ESPNL: variants seen among roughly 807,000 people sequenced by gnomAD.
The protein encoded by ESPNL is espin-like protein.
ESPNL carries 49 observed loss-of-function variants against 46.8 expected under a neutral mutation model. That is an observed-to-expected ratio of 1.05 (90% CI 0.83 to 1.33). The LOEUF is 1.33. Among genes scored for constraint, ESPNL ranks in the 40% most tolerant of loss-of-function variants. ESPNL has a pLI of 0.00. For synonymous variants in ESPNL, 664 were observed against 662.1 expected, an observed-to-expected ratio of 1.00 and a Z score of -0.04; for missense variants, 1,540 against 1,436.6, an observed-to-expected ratio of 1.07 and a Z score of -1.16.
At chr2:238,124,699 ATG>A (rs140782945) in intron 5 of ESPNL, among the ~76,000 whole-genome samples, 57 of 64,196 alleles carry the variant, frequency 8.9e-4, no homozygotes, top group East Asian at 1.6e-3. Flanking sequence ...GAGTACGTGC[ATG>A]TGTGTGCAGG....
At chr2:238,102,181 C>A in intron 2 of ESPNL, 50 bp downstream of exon 2, 2 of 1,449,414 alleles carry the variant, frequency 1.4e-6, no homozygotes, top group African/African-American at 1.4e-5. Flanking sequence ...GCGAGCTGGC[C>A]AAGGGGAGGC....
At position 238,114,344 on chromosome 2, in the gene ESPNL, C is replaced by T. The variant is rs917542689; in HGVS notation, c.856-2559C>T. Among the ~76,000 whole-genome samples the T allele has an allele frequency of 1.5e-4, 23 of 152,172 alleles. No individual in the cohort carries two copies. The highest frequency in any genetic ancestry group is 5.6e-4 in the African/African-American group (23 of 41,434). Reference sequence around the variant, plus strand: ...TGCCGTGACACCCCTCATACTCCTGCAGACCCCGTAACTCCCCTCCTCCGC... The same window carrying T: ...TGCCGTGACACCCCTCATACTCCTGTAGACCCCGTAACTCCCCTCCTCCGC... On this transcript the variant is annotated intron_variant, in intron 4 of 8. Transcript: ENST00000343063. The surrounding 1 kb of genome is among the most constrained non-coding windows in gnomAD (Gnocchi z 5.0).
rs148516936 is a variant in ESPNL at position 238,107,865 on chromosome 2, C to T, written c.747C>T (p.Gly249=). The T allele has an allele frequency of 3.4e-5, 55 of 1,611,128 alleles. No individual in the cohort carries two copies. The highest frequency in any genetic ancestry group is 4.1e-5 in the Non-Finnish European group (48 of 1,179,120). ...CGGCCCTGCACTTTGCAGCCCGAGG[C>T]GGCCACACGCCCATTCTAGACCGAC... ...GATALHFAAR[G]GHTPILDRLL... is the part of the protein sequence containing the mutation. The change falls in exon 4 of 9, where the codon GGC becomes GGT. Residue 249 remains glycine (G), a synonymous_variant. Coordinates refer to ENST00000343063, the MANE Select transcript of ESPNL (RefSeq NM_194312.4).
intron 5 of ESPNL, among the ~76,000 whole-genome samples, chr2:238,120,011 C>T (rs1417636777): frequency 2.6e-5 from 4 of 152,206 alleles, no homozygotes; most frequent in African/African-American, 9.7e-5. Context: ...GGGAGCACGG[C>T]TCTGCCCTGG....
chr2:238,122,181 A>G (rs1340077300), intron 5 of ESPNL, among the ~76,000 whole-genome samples: 1 of 152,264 alleles, frequency 6.6e-6, no homozygotes, highest in Non-Finnish European at 1.5e-5. Flanking sequence ...TAAGACCCCA[A>G]CGGACAGGAC....
chr2:238,108,108 T>C, intron 4 of ESPNL, 135 bp downstream of exon 4: 1 of 849,646 alleles, frequency 1.2e-6, no homozygotes, highest in Middle Eastern at 3.4e-4. Flanking sequence ...AGGCTCTAAG[T>C]GGCACTGTCA....
chr2:238,128,621 C>A, intron 7 of ESPNL, 86 bp from the exon 8 acceptor site: 1 of 1,369,532 alleles, frequency 7.3e-7, no homozygotes, highest in Non-Finnish European at 1.0e-6. Context: ...CTGGGCGGAG[C>A]CAACCCCCCA....
chr2:238,131,830 G>C lies in ESPNL; in HGVS notation c.*98G>C, dbSNP rs1692349503. 7.4e-7 allele frequency: 1 copy of C among 1,354,154 alleles called. No individual in the cohort carries two copies. The highest frequency in any genetic ancestry group is 2.3e-5 in the East Asian group (1 of 43,076). The allele number at this position is 1,354,154 out of a possible 1,614,324, so 83.9% of individuals were successfully genotyped here. ...ACACCCTTGGTGTTCAGGTGAGCCG[G>C]GCAAGGCTGCCTCCAGTCCTACCAG... On this transcript the variant is annotated 3_prime_UTR_variant, in exon 9 of 9. Coordinates refer to ENST00000343063, the MANE Select transcript of ESPNL (RefSeq NM_194312.4).
intron 6 of ESPNL, among the ~76,000 whole-genome samples, chr2:238,126,484 GTGTC>G (rs1327730896): frequency 5.3e-5 from 8 of 150,434 alleles, no homozygotes; most frequent in Non-Finnish European, 1.0e-4. Context: ...GTGTGATTGT[GTGTC>G]TGTTCTGTCT....
At chr2:238,129,204 A>G in intron 8 of ESPNL, 1 of 1,316,160 alleles carries the variant, frequency 7.6e-7, no homozygotes, top group Non-Finnish European at 9.7e-7. Flanking sequence ...CGCAGCGTCT[A>G]GCAGGGAAGA....
In ESPNL at chr2:238,111,800, G is replaced by A. The variant is rs567787830; in HGVS notation, c.855+3827G>A. Reference sequence around the variant, plus strand: ...CAAATCTTTTGGATATGTATACCCAGCATTAGAATACCTGGATCTACCCTG... The same window carrying A: ...CAAATCTTTTGGATATGTATACCCAACATTAGAATACCTGGATCTACCCTG... On this transcript the variant is annotated intron_variant, in intron 4 of 8. Coordinates refer to ENST00000343063, the MANE Select transcript of ESPNL (RefSeq NM_194312.4). Among the ~76,000 whole-genome samples, 3 of 152,232 alleles carry A rather than the reference G, an allele frequency of 2.0e-5. No homozygotes were observed. In the East Asian group the frequency reaches 5.8e-4, roughly 29 times the overall value.
chr2:238,123,836 G>A (rs1328646694), intron 5 of ESPNL, among the ~76,000 whole-genome samples: 3 of 152,140 alleles, frequency 2.0e-5, no homozygotes, highest in Non-Finnish European at 4.4e-5. Context: ...CGTGGGGGCC[G>A]GGCAGATGGG....
At position 238,108,599 on chromosome 2, in the gene ESPNL, G is replaced by A. The variant is rs79266622; in HGVS notation, c.855+626G>A. Among the ~76,000 whole-genome samples, 44 of 152,246 alleles carry A rather than the reference G, an allele frequency of 2.9e-4. 1 individual carries two copies. The East Asian group carries it at 7.7e-3, about 27-fold the overall frequency. Reference sequence around the variant, plus strand: ...GCCCCATCCGGTCCTGAGCAGTGTCGGGTCTGTTCACCTCCATGAAGTCTC... The same window carrying A: ...GCCCCATCCGGTCCTGAGCAGTGTCAGGTCTGTTCACCTCCATGAAGTCTC... On this transcript the variant is annotated intron_variant, in intron 4 of 8. Coordinates refer to ENST00000343063, the MANE Select transcript of ESPNL (RefSeq NM_194312.4).
In ESPNL at chr2:238,131,705, A is replaced by C. The variant is rs561796963; in HGVS notation, c.2991A>C (p.Glu997Asp). The change falls in exon 9 of 9, where the codon GAA becomes GAC. Residue 997 changes from glutamate to aspartate, a missense_variant. By Grantham distance (45) the Glu-to-Asp change is conservative. Coordinates refer to ENST00000343063, the MANE Select transcript of ESPNL (RefSeq NM_194312.4). ...NRSFAFWKEK[E>D]AEMFNFGE Reference sequence around the variant, plus strand: ...GCTTTGCCTTCTGGAAGGAGAAGGAAGCTGAGATGTTCAACTTTGGAGAAT... The same window carrying C: ...GCTTTGCCTTCTGGAAGGAGAAGGACGCTGAGATGTTCAACTTTGGAGAAT... The C allele has an allele frequency of 6.3e-7, 1 of 1,589,194 alleles. No individual in the cohort carries two copies. The highest frequency in any genetic ancestry group is 2.3e-5 in the East Asian group (1 of 44,170).
chr2:238,100,512 C>T lies in ESPNL; in HGVS notation c.93C>T (p.Ile31=). The T allele has an allele frequency of 6.3e-7, 1 of 1,596,968 alleles. No individual in the cohort carries two copies. Among genetic ancestry groups the T allele is most frequent in the Non-Finnish European group, 8.5e-7 (1 of 1,174,578 alleles). ...LLEAGALGPG[I]TDALGAGLVH... is the part of the protein sequence containing the mutation. ...AGGCTGGCGCCCTGGGCCCGGGCATCACCGATGCTCTGGGGGCCGGCCTGG... is the reference window on the plus strand; with the variant it reads ...AGGCTGGCGCCCTGGGCCCGGGCATTACCGATGCTCTGGGGGCCGGCCTGG... Residue 31 remains isoleucine (I), a synonymous_variant, in exon 1 of 9, where the codon ATC becomes ATT. Transcript: ENST00000343063.
At chr2:238,109,182 ACTCGG>A (rs1404621527) in intron 4 of ESPNL, among the ~76,000 whole-genome samples, 1 of 151,790 alleles carries the variant, frequency 6.6e-6, no homozygotes, top group East Asian at 1.9e-4. Context: ...GCCCCAGGAG[ACTCGG>A]CTCAGAAGGG....
chr2:238,114,824 C>A lies in ESPNL; in HGVS notation c.856-2079C>A, dbSNP rs865931994. On this transcript the variant is annotated intron_variant, in intron 4 of 8. Coordinates refer to ENST00000343063, the MANE Select transcript of ESPNL (RefSeq NM_194312.4). This position sits in a 1 kb window ranked among gnomAD's most constrained non-coding sequence, Gnocchi z 5.0. ...GCCCACAAATAAAGCCTTGTGGGCA[C>A]CCGGCCACGCTATGGGTGGCAGCTT... is the stretch of plus-strand genomic sequence containing the variant. Among the ~76,000 whole-genome samples the A allele has an allele frequency of 1.3e-5, 2 of 152,362 alleles. No individual in the cohort carries two copies. The highest frequency in any genetic ancestry group is 6.8e-3 in the Middle Eastern group (2 of 294).
rs1053496985 is a variant in ESPNL at position 238,131,088 on chromosome 2, C to T, written c.2374C>T (p.Pro792Ser). 6.5e-7 allele frequency: 1 copy of T among 1,542,146 alleles called. No individual in the cohort carries two copies. The highest frequency in any genetic ancestry group is 1.2e-5 in the South Asian group (1 of 83,952). ...GCCACCCTCCCCGCCCAGCGAGGGC[C>T]CCCGGCTGGGCCACCTGTGGCAGCA... ...PGPPSPPSEG[P>S]RLGHLWQQRS... Residue 792 changes from proline (P) to serine (S), a missense_variant, in exon 9 of 9, where the codon CCC becomes TCC. Transcript: ENST00000343063.
At position 238,102,082 on chromosome 2, in the gene ESPNL, G is replaced by A. The variant is rs77407590; in HGVS notation, c.436G>A (p.Val146Ile). 1.1e-4 allele frequency: 169 copies of A among 1,577,458 alleles called. No individual in the cohort carries two copies. Among genetic ancestry groups the A allele is most frequent in the Middle Eastern group, 8.8e-4 (4 of 4,550 alleles). ...AGCCCGGCCGCTGCACCACGCTGCC[G>A]TCAGTGGGGACCTGACCTGCCTCAA... ...EGARPLHHAAVSGDLTCLKLL... is the reference protein window; with the variant it reads ...EGARPLHHAAISGDLTCLKLL... The change falls in exon 2 of 9, where the codon GTC (valine) becomes ATC (isoleucine). Residue 146 changes from valine (V) to isoleucine (I), a missense_variant. Physicochemically the swap from Val to Ile is conservative, Grantham distance 29 (BLOSUM62 3). Coordinates refer to ENST00000343063, the MANE Select transcript of ESPNL (RefSeq NM_194312.4).
Sources: allele counts gnomAD v4.1 joint callset (sites outside exome capture counted in the v4.1 genomes callset), GRCh38; gene constraint gnomAD v4.1.1; non-coding constraint Gnocchi (gnomAD v3.1); transcripts MANE v1.5; gene names NCBI Gene and HGNC (gene_info 2026-07-23, HGNC 2026-07-21).